The following TCF15 variants were observed in gnomAD, a reference collection of about 807,000 sequenced individuals.
TCF15 encodes the protein TCF-15.
TCF15 carries 7 observed loss-of-function variants against 11.1 expected under a neutral mutation model. The observed-to-expected ratio is 0.63, with a 90% CI of 0.36 to 1.19. The LOEUF (loss-of-function observed/expected upper bound fraction) is 1.19, where lower values mean the gene tolerates loss of function less well. TCF15 is among the 50% of genes most tolerant of loss of function. The pLI, the probability that TCF15 is intolerant of heterozygous loss-of-function variation, is 0.02. For missense variants in TCF15, 288 were observed against 289.4 expected, an observed-to-expected ratio of 1.00 and a Z score of 0.03; for synonymous variants, 144 against 138.9, an observed-to-expected ratio of 1.04 and a Z score of -0.26.
chr20:610,269 T>C lies in TCF15; in HGVS notation c.-32A>G. The C allele has an allele frequency of 3.0e-6, 3 of 987,818 alleles. No homozygotes were observed. The highest frequency in any genetic ancestry group is 2.4e-6 in the Non-Finnish European group (2 of 832,816). 61.2% of individuals were successfully genotyped at this position (987,818 alleles called of 1,614,324 possible). On this transcript the variant is annotated 5_prime_UTR_variant, in exon 1 of 2. Transcript: ENST00000246080. Reference sequence around the variant, plus strand: ...CGGCCGCGTCCCTCCGTGCGCCGCGTCCCAGCGTCGGCCGCGCCCCGCCGT... The same window carrying C: ...CGGCCGCGTCCCTCCGTGCGCCGCGCCCCAGCGTCGGCCGCGCCCCGCCGT...
At chr20:606,031 C>T (rs2019971528) in intron 1 of TCF15, among the ~76,000 whole-genome samples, 1 of 152,206 alleles carries the variant, frequency 6.6e-6, no homozygotes, top group Admixed American at 6.5e-5. Flanking sequence ...AACAGCTGAC[C>T]ATCTGGGAGC....
At position 609,251 on chromosome 20, in the gene TCF15, G is replaced by A. The variant is rs1156566457; in HGVS notation, c.525+462C>T. Among the ~76,000 whole-genome samples the A allele has an allele frequency of 6.6e-6, 1 of 152,220 alleles. No homozygotes were observed. Among genetic ancestry groups the A allele is most frequent in the African/African-American group, 2.4e-5 (1 of 41,454 alleles). On this transcript the variant is annotated intron_variant, in intron 1 of 1. Transcript: ENST00000246080. The surrounding 1 kb of genome is among the most constrained non-coding windows in gnomAD (Gnocchi z 4.7). ...GGGCCAGCGCCCCGGCTTCCCAGCTGAGTAAATGTGGGCAGGTGATCCCAT... is the reference window on the plus strand; with the variant it reads ...GGGCCAGCGCCCCGGCTTCCCAGCTAAGTAAATGTGGGCAGGTGATCCCAT...
intron 1 of TCF15, among the ~76,000 whole-genome samples, chr20:606,295 T>C (rs1479279938): frequency 6.6e-6 from 1 of 151,244 alleles, no homozygotes; most frequent in Non-Finnish European, 1.5e-5. Flanking sequence ...AAACTGGCCT[T>C]CCTCTCTTTT....
Position 609,780 on chromosome 20 carries a change from G to C in TCF15, c.458C>G (p.Ala153Gly), listed in dbSNP as rs1224754753. The change falls in exon 1 of 2, where the codon GCC (alanine) becomes GGC (glycine). Residue 153 changes from alanine (A) to glycine (G), a missense_variant. Physicochemically the swap from Ala to Gly is moderately conservative, Grantham distance 60. Transcript: ENST00000246080. The surrounding 1 kb of genome is among the most constrained non-coding windows in gnomAD (Gnocchi z 4.7). ...AAGSAKGAVP[A>G]AADGGRQPRS... ...CGGCTGGCGGCCGCCGTCGGCGGCG[G>C]CGGGGACGGCGCCCTTGGCACTGCC... 1.3e-5 allele frequency: 18 copies of C among 1,417,434 alleles called. No individual in the cohort carries two copies. Among genetic ancestry groups the C allele is most frequent in the Non-Finnish European group, 1.5e-5 (17 of 1,098,644 alleles). 87.8% of individuals were successfully genotyped at this position (1,417,434 alleles called of 1,614,324 possible). A position where few individuals can be genotyped will look rare whatever the true frequency, so the allele number is the denominator to read the frequency against.
At chr20:607,518 G>A (rs1600450000) in intron 1 of TCF15, among the ~76,000 whole-genome samples, 2 of 152,236 alleles carry the variant, frequency 1.3e-5, no homozygotes, top group South Asian at 2.1e-4. Flanking sequence ...AGGGGCCATA[G>A]CTGGCCAGGA....
Position 604,629 on chromosome 20 carries a change from C to A in TCF15, c.562G>T (p.Val188Leu). ...RRDLGGSCLK[V>L]RGVAPLRGPR... ...CCTCGAAGGGGGGCCACCCCCCTCA[C>A]CTTCAAGCAGCTGCCCCCCAGGTCA... The change falls in exon 2 of 2, where the codon GTG becomes TTG. Residue 188 changes from valine (V) to leucine (L), a missense_variant. Physicochemically the swap from Val to Leu is conservative, Grantham distance 32. Coordinates refer to ENST00000246080, the MANE Select transcript of TCF15 (RefSeq NM_004609.4). The surrounding 1 kb of genome is among the most constrained non-coding windows in gnomAD (Gnocchi z 4.2). 4 of 1,554,498 alleles carry A rather than the reference C, an allele frequency of 2.6e-6. No homozygotes were observed. The South Asian group carries it at 4.8e-5, about 18-fold the overall frequency.
chr20:605,675 T>C lies in TCF15; in HGVS notation c.526-1010A>G, dbSNP rs773138470. 1.1e-3 allele frequency among the ~76,000 whole-genome samples: 172 copies of C among 152,322 alleles called. 1 individual carries two copies. The highest frequency in any genetic ancestry group is 5.2e-4 in the Admixed American group (8 of 15,306). On this transcript the variant is annotated intron_variant, in intron 1 of 1. Coordinates refer to ENST00000246080, the MANE Select transcript of TCF15 (RefSeq NM_004609.4). ...GAATTAAGTGGCAGCCATTGGAAGA[T>C]GGGCTAATGGCGGCAGTCCCTGAAA...
At position 604,492 on chromosome 20, in the gene TCF15, C is replaced by T. The variant is rs1269030479; in HGVS notation, c.*99G>A. On this transcript the variant is annotated 3_prime_UTR_variant, in exon 2 of 2. Coordinates refer to ENST00000246080, the MANE Select transcript of TCF15 (RefSeq NM_004609.4). The surrounding 1 kb of genome is among the most constrained non-coding windows in gnomAD (Gnocchi z 4.2). ...AGTGTCCCGGAACAGGCCATGGTCC[C>T]CCGGTCCCTACACAAAGAAGGGGTG... The T allele has an allele frequency of 8.8e-7, 1 of 1,137,448 alleles. No homozygotes were observed. Among genetic ancestry groups the T allele is most frequent in the African/African-American group, 1.5e-5 (1 of 65,016 alleles). The allele number at this position is 1,137,448 out of a possible 1,614,324, so 70.5% of individuals were successfully genotyped here. A position where few individuals can be genotyped will look rare whatever the true frequency, so the allele number is the denominator to read the frequency against.
At chr20:607,627 G>A (rs1238217783) in intron 1 of TCF15, among the ~76,000 whole-genome samples, 1 of 152,234 alleles carries the variant, frequency 6.6e-6, no homozygotes. Flanking sequence ...ACAGATCCCA[G>A]GGAAGCGGCC....
rs760281803 is a variant in TCF15, at chr20:609,814, G to T, written c.424C>A (p.Arg142Ser). 2 of 1,504,700 alleles carry T rather than the reference G, an allele frequency of 1.3e-6. No individual in the cohort carries two copies. Among genetic ancestry groups the T allele is most frequent in the East Asian group, 2.8e-5 (1 of 36,172 alleles). The allele number at this position is 1,504,700 out of a possible 1,614,324, so 93.2% of individuals were successfully genotyped here. The stretch of plus-strand genomic sequence containing the variant: ...GCGCCCTTGGCACTGCCCGCGGCAC[G>T]GAAGCACGGCTGCCCGTCGTCGGCC... ...DSADDGQPCF[R>S]AAGSAKGAVP... is the part of the protein sequence containing the mutation. Residue 142 changes from arginine (R) to serine (S), a missense_variant, in exon 1 of 2, where the codon CGT becomes AGT. By Grantham distance (110) the Arg-to-Ser change is moderately radical (BLOSUM62 -1). Transcript: ENST00000246080. The surrounding 1 kb of genome is among the most constrained non-coding windows in gnomAD (Gnocchi z 4.7).
chr20:605,078 C>T (rs959017501), intron 1 of TCF15, among the ~76,000 whole-genome samples: 5 of 152,184 alleles, frequency 3.3e-5, no homozygotes, highest in African/African-American at 1.2e-4. Context: ...GCAACCTCTG[C>T]CTCCCGGGTT....
chr20:607,964 C>T (rs1343160319), intron 1 of TCF15, among the ~76,000 whole-genome samples: 1 of 152,200 alleles, frequency 6.6e-6, no homozygotes, highest in East Asian at 1.9e-4. Context: ...TGTTATTGGC[C>T]ATTGTGCTCC....
chr20:610,115 G>C lies in TCF15; in HGVS notation c.123C>G (p.Cys41Trp). The change falls in exon 1 of 2, where the codon TGC becomes TGG. Residue 41 changes from cysteine to tryptophan, a missense_variant. Cys to Trp is a radical substitution (Grantham distance 215). Coordinates refer to ENST00000246080, the MANE Select transcript of TCF15 (RefSeq NM_004609.4). ...SDASDQSFGC[C>W]EGPEAARRGP... ...CGCGCCGCGCCGCCTCCGGGCCCTC[G>C]CAGCAGCCGAACGACTGGTCCGACG... The C allele has an allele frequency of 2.0e-6, 2 of 1,010,234 alleles. No individual in the cohort carries two copies. The highest frequency in any genetic ancestry group is 2.4e-6 in the Non-Finnish European group (2 of 843,958). 62.6% of individuals were successfully genotyped at this position (1,010,234 alleles called of 1,614,324 possible). A position where few individuals can be genotyped will look rare whatever the true frequency, so the allele number is the denominator to read the frequency against.
intron 1 of TCF15, among the ~76,000 whole-genome samples, chr20:608,039 T>C (rs2019991454): frequency 6.6e-6 from 1 of 152,192 alleles, no homozygotes; most frequent in Non-Finnish European, 1.5e-5. Flanking sequence ...GCTCTTGCTG[T>C]ATGCCCCAAT....
rs45445291 is a variant in TCF15 at position 609,078 on chromosome 20, T to G, written c.525+635A>C. Among the ~76,000 whole-genome samples the G allele has an allele frequency of 3.7e-3, 566 of 152,142 alleles. 2 individuals are homozygous for G. Among genetic ancestry groups the G allele is most frequent in the African/African-American group, 0.012 (518 of 41,522 alleles). ...TGGGGACTCTCAGAGGGCCCCTTCT[T>G]CACTCCTACTGCTCATCCGCTGGGT... On this transcript the variant is annotated intron_variant, in intron 1 of 1. Coordinates refer to ENST00000246080, the MANE Select transcript of TCF15 (RefSeq NM_004609.4). This position sits in a 1 kb window ranked among gnomAD's most constrained non-coding sequence, Gnocchi z 4.7.
In TCF15 at chr20:604,994, T is replaced by G. The variant is rs994280376; in HGVS notation, c.526-329A>C. 6.6e-6 allele frequency among the ~76,000 whole-genome samples: 1 copy of G among 152,130 alleles called. No homozygotes were observed. The highest frequency in any genetic ancestry group is 1.5e-5 in the Non-Finnish European group (1 of 68,024). Reference sequence around the variant, plus strand: ...AGAGGATGGGAGGGAGGCTCTCTCATGCTATACTGTTTTTTGAGATGGAGT... The same window carrying G: ...AGAGGATGGGAGGGAGGCTCTCTCAGGCTATACTGTTTTTTGAGATGGAGT... On this transcript the variant is annotated intron_variant, in intron 1 of 1. Coordinates refer to ENST00000246080, the MANE Select transcript of TCF15 (RefSeq NM_004609.4). The surrounding 1 kb of genome is among the most constrained non-coding windows in gnomAD (Gnocchi z 4.2).
intron 1 of TCF15, among the ~76,000 whole-genome samples, chr20:605,584 C>G (rs2019966864): frequency 6.6e-6 from 1 of 152,214 alleles, no homozygotes; most frequent in African/African-American, 2.4e-5. Flanking sequence ...CTCTGTGGTC[C>G]CATTTCCAGC....
intron 1 of TCF15, among the ~76,000 whole-genome samples, chr20:606,261 G>A (rs548163995): frequency 6.6e-6 from 1 of 152,254 alleles, no homozygotes; most frequent in African/African-American, 2.4e-5. Flanking sequence ...AGGGGAGGGG[G>A]TGCAATATTA....
chr20:607,195 T>C (rs2019982727), intron 1 of TCF15, among the ~76,000 whole-genome samples: 1 of 152,184 alleles, frequency 6.6e-6, no homozygotes, highest in Non-Finnish European at 1.5e-5. Flanking sequence ...GGGAGAGCCT[T>C]ACAAGATGAT....
Sources: allele counts gnomAD v4.1 joint callset (sites outside exome capture counted in the v4.1 genomes callset), GRCh38; gene constraint gnomAD v4.1.1; non-coding constraint Gnocchi (gnomAD v3.1); transcripts MANE v1.5; gene names NCBI Gene and HGNC (gene_info 2026-07-23, HGNC 2026-07-21).